The following DEPDC5 variants were observed in gnomAD, a reference collection of about 807,000 sequenced individuals.
DEPDC5 encodes the protein GATOR1 complex protein DEPDC5.
A neutral mutation model predicts 217.3 loss-of-function variants in DEPDC5; 73 were observed. That is an observed-to-expected ratio of 0.34 (90% CI 0.28 to 0.41). The LOEUF (loss-of-function observed/expected upper bound fraction) is 0.41. Among genes scored for constraint, DEPDC5 ranks in the 10% least tolerant of loss-of-function variants. The probability of loss-of-function intolerance (pLI) is 1.00; values close to 1 mark genes in which losing one functional copy is unlikely to be tolerated. For synonymous variants in DEPDC5, 733 were observed against 756.7 expected, an observed-to-expected ratio of 0.97 and a Z score of 0.51; for missense variants, 1,675 against 2,070.1, an observed-to-expected ratio of 0.81 and a Z score of 3.70.
At chr22:31,836,274 A>G (rs1185147307) in intron 25 of DEPDC5, among the ~76,000 whole-genome samples, 1 of 152,176 alleles carries the variant, frequency 6.6e-6, no homozygotes, top group African/African-American at 2.4e-5. Flanking sequence ...CACAACAAAG[A>G]ATTATCTGGT....
At chr22:31,886,148 A>G (rs2093306960) in intron 38 of DEPDC5, among the ~76,000 whole-genome samples, 1 of 152,070 alleles carries the variant, frequency 6.6e-6, no homozygotes, top group Non-Finnish European at 1.5e-5. Context: ...GAGCCTCCCA[A>G]GTAGCTGGGA....
intron 4 of DEPDC5, among the ~76,000 whole-genome samples, chr22:31,761,169 C>T (rs983482188): frequency 6.6e-5 from 10 of 151,894 alleles, no homozygotes; most frequent in Middle Eastern, 3.4e-3. Flanking sequence ...TTTTAGTAGA[C>T]ACGAGGTTTC....
chr22:31,836,885 T>A, intron 25 of DEPDC5, 87 bp from the exon 26 acceptor site: 1 of 1,236,744 alleles, frequency 8.1e-7, no homozygotes, highest in Non-Finnish European at 1.1e-6. Flanking sequence ...TTTTCCCCAC[T>A]CTTCCCTCCC....
At chr22:31,839,559 C>CTTTG (rs1569070741) in intron 27 of DEPDC5, among the ~76,000 whole-genome samples, 2 of 151,862 alleles carry the variant, frequency 1.3e-5, no homozygotes, top group Non-Finnish European at 2.9e-5. Context: ...CTTGGATCAT[C>CTTTG]TTTGTCCCCA....
At chr22:31,771,356 C>T (rs542456377) in intron 7 of DEPDC5, among the ~76,000 whole-genome samples, 1 of 152,036 alleles carries the variant, frequency 6.6e-6, no homozygotes, top group African/African-American at 2.4e-5. Flanking sequence ...ATGGCTATGG[C>T]GTGAGGATCA....
At chr22:31,817,076 T>G in intron 21 of DEPDC5, 1 of 161,522 alleles carries the variant, frequency 6.2e-6, no homozygotes, top group South Asian at 1.7e-4. Context: ...ATGGTACACA[T>G]TGTTTCTGTA....
Position 31,766,673 on chromosome 22 carries a change from GAT to G in DEPDC5, c.363+6_363+7del, listed in dbSNP as rs748242785. 3.3e-4 allele frequency: 538 copies of G among 1,612,068 alleles called. 8 individuals carry two copies. The Middle Eastern group carries it at 0.021, about 64-fold the overall frequency. ...TGGCGACTAAAGAAAAGTTTGGTAAGATGTGATTTTTTTTGAAAGTCTGTTAC... is the reference window on the plus strand; with the variant it reads ...TGGCGACTAAAGAAAAGTTTGGTAAGGTGATTTTTTTTGAAAGTCTGTTAC... On this transcript the variant is annotated splice_donor_region_variant and intron_variant, in intron 6 of 42. Coordinates refer to ENST00000651528, the MANE Select transcript of DEPDC5 (RefSeq NM_001242896.3).
chr22:31,823,655 G>A lies in DEPDC5; in HGVS notation c.2104+865G>A, dbSNP rs374550112. On this transcript the variant is annotated intron_variant, in intron 24 of 42. Transcript: ENST00000651528. Reference sequence around the variant, plus strand: ...CGGGTGGGGGAAGCAGTATGAATTTGGTTTGGTATGATACTTTGGTTTTAT... The same window carrying A: ...CGGGTGGGGGAAGCAGTATGAATTTAGTTTGGTATGATACTTTGGTTTTAT... Among the ~76,000 whole-genome samples, 26 of 152,128 alleles carry A rather than the reference G, an allele frequency of 1.7e-4. No homozygotes were observed. The East Asian group carries it at 3.7e-3, about 21-fold the overall frequency.
chr22:31,793,375 G>C (rs1446088421), intron 12 of DEPDC5, among the ~76,000 whole-genome samples: 2 of 151,898 alleles, frequency 1.3e-5, no homozygotes, highest in Non-Finnish European at 2.9e-5. Context: ...CAGAGAAGAA[G>C]AGCAAATAAT....
At chr22:31,803,453 C>G (rs2087111237) in intron 15 of DEPDC5, among the ~76,000 whole-genome samples, 1 of 152,046 alleles carries the variant, frequency 6.6e-6, no homozygotes, top group Admixed American at 6.6e-5. Context: ...ACCTTGTGAT[C>G]CGCCCGTCTT....
At chr22:31,806,297 G>C in intron 18 of DEPDC5, 106 bp downstream of exon 18, 1 of 980,122 alleles carries the variant, frequency 1.0e-6, no homozygotes, top group Non-Finnish European at 1.5e-6. Context: ...AAAGTGTTGG[G>C]ATTACAGACA....
intron 33 of DEPDC5, among the ~76,000 whole-genome samples, chr22:31,864,061 G>A (rs1335689426): frequency 2.0e-5 from 3 of 151,300 alleles, no homozygotes; most frequent in Non-Finnish European, 2.9e-5. Context: ...ATTTTCTGAT[G>A]TGCAGCATAG....
At chr22:31,889,117 T>C (rs2093381616) in intron 38 of DEPDC5, among the ~76,000 whole-genome samples, 1 of 152,212 alleles carries the variant, frequency 6.6e-6, no homozygotes, top group Non-Finnish European at 1.5e-5. Flanking sequence ...AGGTTACTGA[T>C]AACCCCCTAG....
intron 8 of DEPDC5, among the ~76,000 whole-genome samples, chr22:31,781,241 A>C (rs1195845276): frequency 6.6e-6 from 1 of 151,824 alleles, no homozygotes; most frequent in African/African-American, 2.4e-5. Context: ...AAACAAAAAA[A>C]AAAAAACAAA....
chr22:31,813,460 C>T (rs2088678790), intron 20 of DEPDC5, among the ~76,000 whole-genome samples: 1 of 152,206 alleles, frequency 6.6e-6, no homozygotes, highest in South Asian at 2.1e-4. Flanking sequence ...AACATGTAGT[C>T]AGCACTTGGA....
At chr22:31,818,934 T>A in intron 21 of DEPDC5, 88 bp from the exon 22 acceptor site, 1 of 1,353,944 alleles carries the variant, frequency 7.4e-7, no homozygotes. Context: ...AAGATTCTTG[T>A]CAGCCTTGGT....
At chr22:31,792,344 G>A (rs990845817) in intron 11 of DEPDC5, among the ~76,000 whole-genome samples, 8 of 151,982 alleles carry the variant, frequency 5.3e-5, no homozygotes, top group African/African-American at 1.9e-4. Flanking sequence ...AGTGGCTCAC[G>A]CCTGTAATCC....
chr22:31,762,810 T>C (rs1172762596), intron 4 of DEPDC5, among the ~76,000 whole-genome samples: 1 of 151,944 alleles, frequency 6.6e-6, no homozygotes, highest in African/African-American at 2.4e-5. Flanking sequence ...TCACCCACTC[T>C]TTCTTTTTTT....
At chr22:31,828,277 C>T (rs752908858) in intron 24 of DEPDC5, among the ~76,000 whole-genome samples, 2 of 151,956 alleles carry the variant, frequency 1.3e-5, no homozygotes, top group Admixed American at 6.6e-5. Flanking sequence ...ATGGAGAAAC[C>T]GCCATCTCTG....
Sources: allele counts gnomAD v4.1 joint callset (sites outside exome capture counted in the v4.1 genomes callset), GRCh38; gene constraint gnomAD v4.1.1; transcripts MANE v1.5; gene names NCBI Gene and HGNC (gene_info 2026-07-23, HGNC 2026-07-21).